Variants in ZNF717 observed in about 807,000 individuals in gnomAD.
The protein encoded by ZNF717 is zinc finger protein 717.
Under a neutral mutation model 13.8 loss-of-function variants are expected in ZNF717, and 9 were observed. That is an observed-to-expected ratio of 0.65 (90% confidence interval 0.39 to 1.14). ZNF717 has a LOEUF of 1.14. ZNF717 is among the 50% of genes most tolerant of loss of function. ZNF717 has a pLI of 0.01. For synonymous variants in ZNF717, 327 were observed against 364.1 expected (o/e 0.90, Z 1.16); for missense variants, 1,040 against 1,080.7 (o/e 0.96, Z 0.53).
intron 2 of ZNF717, among the ~76,000 whole-genome samples, chr3:75,766,911 G>T (rs1164475553): frequency 6.6e-6 from 1 of 152,232 alleles, no homozygotes; most frequent in Non-Finnish European, 1.5e-5. Flanking sequence ...TATTCACAAG[G>T]GGAACTGGAA....
At chr3:75,714,249 T>C (rs79530990) in intron 5 of ZNF717, among the ~76,000 whole-genome samples, 5 of 150,690 alleles carry the variant, frequency 3.3e-5, no homozygotes, top group Non-Finnish European at 7.4e-5. Flanking sequence ...CTCCCTTTCC[T>C]GGTCTGCTAA....
At chr3:75,771,293 C>T (rs534750325) in intron 2 of ZNF717, among the ~76,000 whole-genome samples, 2 of 152,338 alleles carry the variant, frequency 1.3e-5, no homozygotes, top group Admixed American at 1.3e-4. Context: ...CTCCTCACTT[C>T]AGATTTCTGT....
intron 4 of ZNF717, among the ~76,000 whole-genome samples, chr3:75,719,774 T>C (rs1938133109): frequency 6.6e-6 from 1 of 151,938 alleles, no homozygotes; most frequent in Non-Finnish European, 1.5e-5. Flanking sequence ...CTGGCCAACA[T>C]GATGAAACCC....
At chr3:75,708,733 G>A (rs13066208), downstream of ZNF717, among the ~76,000 whole-genome samples, 47,102 of 152,016 alleles carry the variant, frequency 0.31, 8,952 homozygotes, top group Non-Finnish European at 0.43. Flanking sequence ...AAAATTAGAC[G>A]AATGGATAAC....
chr3:75,771,175 T>G (rs971472167), intron 2 of ZNF717, among the ~76,000 whole-genome samples: 1 of 152,176 alleles, frequency 6.6e-6, no homozygotes, highest in South Asian at 2.1e-4. Context: ...CACTGCTGAG[T>G]GTTCAGCTGT....
chr3:75,719,237 G>T (rs1938122376), intron 4 of ZNF717, among the ~76,000 whole-genome samples: 1 of 150,466 alleles, frequency 6.6e-6, no homozygotes, highest in South Asian at 2.1e-4. Context: ...TGAGGCTGCA[G>T]TGAGTTGTGA....
At chr3:75,751,499 T>C (rs1575835149) in intron 2 of ZNF717, among the ~76,000 whole-genome samples, 2 of 151,696 alleles carry the variant, frequency 1.3e-5, no homozygotes, top group Non-Finnish European at 1.5e-5. Flanking sequence ...TGCTGGGGTC[T>C]GAATGTATGT....
intron 2 of ZNF717, among the ~76,000 whole-genome samples, chr3:75,764,616 T>C (rs981055579): frequency 2.6e-5 from 4 of 152,220 alleles, no homozygotes; most frequent in South Asian, 2.1e-4. Flanking sequence ...AAAGAACATT[T>C]ATCCAAAGAT....
At chr3:75,702,959 C>A (rs1201393887) in intron 6 of ZNF717, among the ~76,000 whole-genome samples, 1 of 152,304 alleles carries the variant, frequency 6.6e-6, no homozygotes, top group East Asian at 1.9e-4. Flanking sequence ...TAATCCTAAG[C>A]CATAGCTCTC....
intron 2 of ZNF717, among the ~76,000 whole-genome samples, chr3:75,777,332 TA>T (rs1331644943): frequency 5.2e-5 from 5 of 95,774 alleles, no homozygotes; most frequent in African/African-American, 8.8e-5. Context: ...AGTGACGTGC[TA>T]AAACCAGAAA....
intron 2 of ZNF717, among the ~76,000 whole-genome samples, chr3:75,771,004 A>G (rs1943836093): frequency 6.6e-6 from 1 of 152,214 alleles, no homozygotes. Context: ...TGAACTAAAT[A>G]TGGCCTGGGA....
chr3:75,721,431 G>A (rs1202764795), intron 4 of ZNF717, among the ~76,000 whole-genome samples: 8 of 152,196 alleles, frequency 5.3e-5, no homozygotes, highest in African/African-American at 1.2e-4. Flanking sequence ...ACAGGCGAGC[G>A]CCAGCACGCC....
At chr3:75,722,306 A>T (rs1938183696) in intron 4 of ZNF717, among the ~76,000 whole-genome samples, 1 of 152,196 alleles carries the variant, frequency 6.6e-6, no homozygotes, top group Non-Finnish European at 1.5e-5. Context: ...AGTTCATGCT[A>T]ACAAAATAGT....
intron 2 of ZNF717, among the ~76,000 whole-genome samples, chr3:75,775,383 T>C (rs1944229660): frequency 6.6e-6 from 1 of 152,266 alleles, no homozygotes; most frequent in Non-Finnish European, 1.5e-5. Flanking sequence ...TGATGCAGTT[T>C]CTAAAAACTT....
At chr3:75,742,494 C>A (rs76190622) in intron 2 of ZNF717, among the ~76,000 whole-genome samples, 2 of 151,926 alleles carry the variant, frequency 1.3e-5, no homozygotes, top group Admixed American at 1.3e-4. Context: ...GTTTATTTTG[C>A]ACCATGAGGT....
At chr3:75,744,650 T>C (rs76017054) in intron 2 of ZNF717, among the ~76,000 whole-genome samples, 1 of 152,242 alleles carries the variant, frequency 6.6e-6, no homozygotes, top group Non-Finnish European at 1.5e-5. Flanking sequence ...GATAGAGTTA[T>C]TGTCGGGGAG....
chr3:75,733,184 G>C (rs2918505), downstream of ZNF717, among the ~76,000 whole-genome samples: 126,976 of 151,880 alleles, frequency 0.84, 52,974 homozygotes, highest in East Asian at 0.89. Context: ...AAACTGAAAA[G>C]AATGGAATGT....
intron 4 of ZNF717, among the ~76,000 whole-genome samples, chr3:75,724,082 C>T (rs1821925): frequency 0.84 from 126,367 of 149,694 alleles, 52,949 homozygotes; most frequent in East Asian, 0.89. Flanking sequence ...TCTCTCTCTC[C>T]CCACCTCGGC....
At chr3:75,721,667 C>CT (rs1238755211) in intron 4 of ZNF717, among the ~76,000 whole-genome samples, 3 of 151,974 alleles carry the variant, frequency 2.0e-5, no homozygotes, top group East Asian at 1.9e-4. Flanking sequence ...AAGCAAATAA[C>CT]TTTTTTTTCT....
Sources: gnomAD v4.1 joint callset for allele counts (sites outside exome capture counted in the v4.1 genomes callset) on GRCh38, gnomAD v4.1.1 for gene constraint, MANE v1.5 for transcripts, NCBI Gene and HGNC (gene_info 2026-07-23, HGNC 2026-07-21) for gene names.